Variants in LUZP2 observed in about 807,000 individuals in gnomAD.
The protein encoded by LUZP2 is leucine zipper protein 2.
LUZP2 carries 52 observed loss-of-function variants against 51.6 expected under a neutral mutation model. That is an observed-to-expected ratio of 1.01 (90% CI 0.81 to 1.27). LUZP2 has a LOEUF of 1.27. Among genes scored for constraint, LUZP2 ranks in the 50% most tolerant of loss-of-function variants. LUZP2 has a pLI of 0.00. For missense variants in LUZP2, 436 were observed against 395.4 expected (o/e 1.10, Z -0.87); for synonymous variants, 154 against 137.3 (o/e 1.12, Z -0.85).
At chr11:24,705,555 GA>G (rs1170997814) in intron 1 of LUZP2, among the ~76,000 whole-genome samples, 1 of 152,128 alleles carries the variant, frequency 6.6e-6, no homozygotes, top group Non-Finnish European at 1.5e-5. Flanking sequence ...TGTGCCTGTT[GA>G]AAACCACCAT....
intron 9 of LUZP2, among the ~76,000 whole-genome samples, chr11:24,997,975 C>A (rs1444370086): frequency 6.6e-6 from 1 of 152,136 alleles, no homozygotes; most frequent in Non-Finnish European, 1.5e-5. Flanking sequence ...TTCCATTGAT[C>A]TGTATCTCTG....
At chr11:24,840,933 A>G (rs900655680) in intron 5 of LUZP2, among the ~76,000 whole-genome samples, 3 of 152,050 alleles carry the variant, frequency 2.0e-5, no homozygotes, top group Admixed American at 6.6e-5. Flanking sequence ...GTGTTATATA[A>G]CCTGAATATG....
intron 1 of LUZP2, among the ~76,000 whole-genome samples, chr11:24,551,829 T>C (rs1229474635): frequency 1.3e-5 from 2 of 151,940 alleles, no homozygotes; most frequent in African/African-American, 4.8e-5. Flanking sequence ...TAGAATTAGC[T>C]CAAGGAGAAA....
Position 24,822,205 on chromosome 11 carries a change from T to C in LUZP2, c.396+58897T>C, listed in dbSNP as rs1029415056. On this transcript the variant is annotated intron_variant, in intron 5 of 11. Coordinates refer to ENST00000336930, the MANE Select transcript of LUZP2 (RefSeq NM_001009909.4). The stretch of plus-strand genomic sequence containing the variant: ...CCTACTATAGAAGTCTAAAGTCAAA[T>C]GATGGTCTTTCTAATTTTATTTTTC... Among the ~76,000 whole-genome samples, 7 of 152,136 alleles carry C rather than the reference T, an allele frequency of 4.6e-5. No homozygotes were observed. The East Asian group carries it at 1.2e-3, about 25-fold the overall frequency.
chr11:24,976,415 A>T (rs755148922), intron 7 of LUZP2, among the ~76,000 whole-genome samples, 176 bp from the exon 8 acceptor site: 1 of 151,796 alleles, frequency 6.6e-6, no homozygotes, highest in Non-Finnish European at 1.5e-5. Flanking sequence ...TCTGCACATC[A>T]AATTATCATG....
chr11:24,673,605 C>T (rs1405049900), intron 1 of LUZP2, among the ~76,000 whole-genome samples: 2 of 152,144 alleles, frequency 1.3e-5, no homozygotes, highest in Non-Finnish European at 2.9e-5. Flanking sequence ...AATGTTTTAG[C>T]TCAGGGTTTC....
intron 4 of LUZP2, among the ~76,000 whole-genome samples, chr11:24,748,831 T>C (rs1279826035): frequency 6.6e-6 from 1 of 152,122 alleles, no homozygotes; most frequent in Non-Finnish European, 1.5e-5. Flanking sequence ...TATACACACA[T>C]ACACATACGT....
rs1326167390 is a variant in LUZP2 at position 24,979,540 on chromosome 11, A to G, written c.597+2875A>G. Among the ~76,000 whole-genome samples the G allele has an allele frequency of 2.0e-5, 3 of 151,806 alleles. No individual in the cohort carries two copies. In the East Asian group the frequency reaches 5.8e-4, roughly 29 times the overall value. On this transcript the variant is annotated intron_variant, in intron 8 of 11. Transcript: ENST00000336930. Reference sequence around the variant, plus strand: ...AAGTACTTCATACGTATTATGAAAAACTCTTAACACTTCAACTTGATTCTT... The same window carrying G: ...AAGTACTTCATACGTATTATGAAAAGCTCTTAACACTTCAACTTGATTCTT...
intron 4 of LUZP2, among the ~76,000 whole-genome samples, chr11:24,743,570 CA>C (rs1859266797): frequency 6.6e-6 from 1 of 152,088 alleles, no homozygotes; most frequent in South Asian, 2.1e-4. Context: ...ATTCTTTTAT[CA>C]GTTCTAGGAG....
chr11:25,025,924 A>G (rs545490839), intron 9 of LUZP2, among the ~76,000 whole-genome samples: 1 of 152,316 alleles, frequency 6.6e-6, no homozygotes, highest in Non-Finnish European at 1.5e-5. Flanking sequence ...CTGGATTAAG[A>G]AAATGTGGCA....
chr11:24,914,449 C>T lies in LUZP2; in HGVS notation c.460-27C>T, dbSNP rs749141758. On this transcript the variant is annotated intron_variant, in intron 6 of 11. Transcript: ENST00000336930. ...AGTTTGAAAATATAAATGAGTTACA[C>T]AACTTATCCATGTTTTTGCCTTACA... 13 of 1,535,490 alleles carry T rather than the reference C, an allele frequency of 8.5e-6. No homozygotes were observed. The Admixed American group carries it at 2.0e-4, about 23-fold the overall frequency.
intron 5 of LUZP2, among the ~76,000 whole-genome samples, chr11:24,774,381 T>C (rs773620202): frequency 0.015 from 1,387 of 94,012 alleles, 77 homozygotes; most frequent in African/African-American, 0.057. Flanking sequence ...TATATATATA[T>C]ACATACACAC....
intron 9 of LUZP2, among the ~76,000 whole-genome samples, chr11:24,985,975 T>C (rs1389639002): frequency 1.3e-5 from 2 of 151,742 alleles, no homozygotes; most frequent in Non-Finnish European, 2.9e-5. Context: ...AGTATGGTTT[T>C]GTGTGTAAGC....
At chr11:24,625,458 G>C (rs1212089950) in intron 1 of LUZP2, among the ~76,000 whole-genome samples, 1 of 151,880 alleles carries the variant, frequency 6.6e-6, no homozygotes, top group African/African-American at 2.4e-5. Flanking sequence ...ATGTTAATTA[G>C]CTTCATTGTG....
intron 2 of LUZP2, among the ~76,000 whole-genome samples, chr11:24,729,729 A>G (rs954619377): frequency 6.6e-6 from 1 of 151,994 alleles, no homozygotes; most frequent in Non-Finnish European, 1.5e-5. Flanking sequence ...AAAACATCTT[A>G]ACATACTGAA....
In LUZP2 at chr11:24,732,119, C is replaced by G; in HGVS notation, c.182C>G (p.Ser61Cys). 1 of 1,605,794 alleles carries G rather than the reference C, an allele frequency of 6.2e-7. No individual in the cohort carries two copies. The highest frequency in any genetic ancestry group is 8.5e-7 in the Non-Finnish European group (1 of 1,175,056). Residue 61 changes from serine to cysteine, a missense_variant and splice_region_variant, in exon 3 of 12, where the codon TCC (serine) becomes TGC (cysteine). Coordinates refer to ENST00000336930, the MANE Select transcript of LUZP2 (RefSeq NM_001009909.4). ...ELDGIKVNLQ[S>C]LKNDEQSAKT... ...TCATTTTTCCACTTTTCTTATCAGTCCTTAAAAAACGATGAGCAGTCTGCC... is the reference window on the plus strand; with the variant it reads ...TCATTTTTCCACTTTTCTTATCAGTGCTTAAAAAACGATGAGCAGTCTGCC...
intron 5 of LUZP2, among the ~76,000 whole-genome samples, chr11:24,828,575 A>C (rs1446957094): frequency 1.4e-5 from 2 of 143,766 alleles, no homozygotes; most frequent in African/African-American, 2.5e-5. Context: ...AAAAAAAAAA[A>C]CATATCTACT....
chr11:24,647,127 G>A lies in LUZP2; in HGVS notation c.63-82042G>A, dbSNP rs574241944. 2.0e-5 allele frequency among the ~76,000 whole-genome samples: 3 copies of A among 152,042 alleles called. No homozygotes were observed. The East Asian group carries it at 5.8e-4, about 29-fold the overall frequency. Reference sequence around the variant, plus strand: ...ACGCACTCATTGTGACTTTACTTCTGTTTCTCAAATATGTCAAGCTTATCC... The same window carrying A: ...ACGCACTCATTGTGACTTTACTTCTATTTCTCAAATATGTCAAGCTTATCC... On this transcript the variant is annotated intron_variant, in intron 1 of 11. Coordinates refer to ENST00000336930, the MANE Select transcript of LUZP2 (RefSeq NM_001009909.4).
At chr11:24,723,745 G>A (rs1483107202) in intron 1 of LUZP2, among the ~76,000 whole-genome samples, 1 of 152,020 alleles carries the variant, frequency 6.6e-6, no homozygotes. Context: ...GTGGGAGGAT[G>A]GCTTGTGATC....
Sources: allele counts gnomAD v4.1 joint callset (sites outside exome capture counted in the v4.1 genomes callset), GRCh38; gene constraint gnomAD v4.1.1; transcripts MANE v1.5; gene names NCBI Gene and HGNC (gene_info 2026-07-23, HGNC 2026-07-21).